GRHL3: variants seen among roughly 807,000 people sequenced by gnomAD.
The protein encoded by GRHL3 is grainyhead-like protein 3 homolog.
In GRHL3, 20 loss-of-function variants were observed where a neutral mutation model predicts 70.3. The ratio of observed to expected loss-of-function variants is 0.28; its 90% CI spans 0.20 to 0.41. The LOEUF (loss-of-function observed/expected upper bound fraction) is 0.41. GRHL3 is among the 10% of genes least tolerant of loss of function. GRHL3 has a pLI of 1.00. For synonymous variants in GRHL3, 299 were observed against 299.9 expected (o/e 1.00, Z 0.03); for missense variants, 637 against 762.3 (o/e 0.84, Z 1.94).
chr1:24,358,532 G>T (rs371334407), downstream of GRHL3: 3 of 1,609,932 alleles, frequency 1.9e-6, no homozygotes, highest in African/African-American at 4.0e-5. Context: ...CCTTGACCTT[G>T]TGTGACATCC....
downstream of GRHL3, chr1:24,358,059 G>A: frequency 2.7e-6 from 1 of 373,992 alleles, no homozygotes; most frequent in Non-Finnish European, 5.4e-6. Flanking sequence ...TACCGTAAGT[G>A]AGTGAGGTCA....
chr1:24,347,580 C>T (rs754318016), intron 14 of GRHL3, 27 bp downstream of exon 14: 7 of 1,530,460 alleles, frequency 4.6e-6, no homozygotes, highest in Admixed American at 1.7e-5. Context: ...CCCCGCCCCC[C>T]ATGGCAGACC....
rs1032620758 is a variant in GRHL3 at position 24,321,075 on chromosome 1, C to T, written c.17+1507C>T. Among the ~76,000 whole-genome samples the T allele has an allele frequency of 2.6e-5, 4 of 152,134 alleles. No homozygotes were observed. Among genetic ancestry groups the T allele is most frequent in the African/African-American group, 4.8e-5 (2 of 41,418 alleles). ...TTGCTATTTTTCCATACTTTGAACGCGCAAAAAAATCTTGACATGTGTCTC... is the reference window on the plus strand; with the variant it reads ...TTGCTATTTTTCCATACTTTGAACGTGCAAAAAAATCTTGACATGTGTCTC... On this transcript the variant is annotated intron_variant, in intron 1 of 15. Transcript: ENST00000361548. The surrounding 1 kb of genome is among the most constrained non-coding windows in gnomAD (Gnocchi z 4.0).
intron 8 of GRHL3, among the ~76,000 whole-genome samples, chr1:24,340,520 G>C (rs1285729314): frequency 2.0e-5 from 3 of 152,226 alleles, no homozygotes; most frequent in Non-Finnish European, 4.4e-5. Context: ...CTGTGTCTTG[G>C]TTTGCTGTTT....
At chr1:24,328,271 G>A (rs1028834698) in intron 1 of GRHL3, among the ~76,000 whole-genome samples, 3 of 152,256 alleles carry the variant, frequency 2.0e-5, no homozygotes, top group Non-Finnish European at 2.9e-5. Context: ...CCTTGAGCAG[G>A]TGATGTCACC....
intron 15 of GRHL3, among the ~76,000 whole-genome samples, chr1:24,354,053 T>A (rs1261415405): frequency 6.6e-6 from 1 of 150,970 alleles, no homozygotes; most frequent in Non-Finnish European, 1.5e-5. Context: ...GCACTGCGTC[T>A]CCCCCAGATC....
intron 1 of GRHL3, among the ~76,000 whole-genome samples, chr1:24,326,162 T>C (rs1639379878): frequency 1.3e-5 from 2 of 152,214 alleles, no homozygotes; most frequent in South Asian, 4.1e-4. Context: ...TTGGATTTCC[T>C]CCTTAGTGGG....
intron 7 of GRHL3, 105 bp from the exon 8 acceptor site, chr1:24,339,563 G>A (rs113048728): frequency 1.4e-6 from 1 of 715,744 alleles, no homozygotes; most frequent in Non-Finnish European, 2.4e-6. Flanking sequence ...ACAGGCGTGA[G>A]AAACCACGCC....
At chr1:24,362,741 C>T (rs1357801360) in intron 15 of GRHL3, among the ~76,000 whole-genome samples, 1 of 152,144 alleles carries the variant, frequency 6.6e-6, no homozygotes, top group African/African-American at 2.4e-5. Context: ...GGGACACCCC[C>T]CTGGTCAGAG....
At position 24,336,529 on chromosome 1, in the gene GRHL3, G is replaced by A. The variant is rs756505220; in HGVS notation, c.314G>A (p.Ser105Asn). 1.9e-6 allele frequency: 3 copies of A among 1,609,844 alleles called. No individual in the cohort carries two copies. The highest frequency in any genetic ancestry group is 2.2e-5 in the East Asian group (1 of 44,762). ...GAGACGGACCTCACTCCCCTTGAAA[G>A]CCCCACACACCTCATGAAATTCCTG... ...EYETDLTPLE[S>N]PTHLMKFLTE... Residue 105 changes from serine to asparagine, a missense_variant, in exon 4 of 16, where the codon AGC (serine) becomes AAC (asparagine). Physicochemically the swap from Ser to Asn is conservative, Grantham distance 46. This residue lies in a region of GRHL3 where 250 missense variants were observed against 248.6 expected (regional missense o/e 1.01). Coordinates refer to ENST00000361548, the MANE Select transcript of GRHL3 (RefSeq NM_198173.3).
chr1:24,331,277 C>A, intron 1 of GRHL3, 149 bp from the exon 2 acceptor site: 1 of 644,598 alleles, frequency 1.6e-6, no homozygotes, highest in Non-Finnish European at 2.6e-6. Context: ...GTCCATTCTG[C>A]TGCCCCACAC....
intron 1 of GRHL3, among the ~76,000 whole-genome samples, chr1:24,323,475 G>T (rs938873875): frequency 3.3e-5 from 5 of 152,208 alleles, no homozygotes; most frequent in Non-Finnish European, 5.9e-5. Flanking sequence ...CTGACCTGCA[G>T]TGTAGTTGCT....
chr1:24,324,149 T>G lies in GRHL3; in HGVS notation c.17+4581T>G, dbSNP rs1569852805. On this transcript the variant is annotated intron_variant, in intron 1 of 15. Coordinates refer to ENST00000361548, the MANE Select transcript of GRHL3 (RefSeq NM_198173.3). ...AATAGATGGGGGGAGAAAAGGAAAA[T>G]TAGACAAGACACCAAGAGGAGAATA... Among the ~76,000 whole-genome samples, 3 of 152,072 alleles carry G rather than the reference T, an allele frequency of 2.0e-5. No individual in the cohort carries two copies. The East Asian group carries it at 5.8e-4, about 29-fold the overall frequency.
At position 24,342,725 on chromosome 1, in the gene GRHL3, G is replaced by T. The variant is rs1342584115; in HGVS notation, c.1238G>T (p.Arg413Leu). The change falls in exon 10 of 16, where the codon CGG becomes CTG. Residue 413 changes from arginine (R) to leucine (L), a missense_variant. By Grantham distance (102) the Arg-to-Leu change is moderately radical (BLOSUM62 -2). Transcript: ENST00000361548. The surrounding 1 kb of genome is among the most constrained non-coding windows in gnomAD (Gnocchi z 4.8). Reference sequence around the variant, plus strand: ...GAGAGGAAGATGCGCGATGACGAGCGGAAGCAGTTCCGGAGGAAGGTCAAG... The same window carrying T: ...GAGAGGAAGATGCGCGATGACGAGCTGAAGCAGTTCCGGAGGAAGGTCAAG... ...GAERKMRDDE[R>L]KQFRRKVKCP... The T allele has an allele frequency of 1.2e-6, 2 of 1,614,100 alleles. No homozygotes were observed. The highest frequency in any genetic ancestry group is 2.7e-5 in the African/African-American group (2 of 74,930).
chr1:24,358,890 G>A (rs1291404728), downstream of GRHL3, among the ~76,000 whole-genome samples: 2 of 152,140 alleles, frequency 1.3e-5, no homozygotes, highest in Non-Finnish European at 2.9e-5. Flanking sequence ...TATGAAATTC[G>A]AAAAGAAATT....
chr1:24,342,331 T>C lies in GRHL3; in HGVS notation c.1206+58T>C. 2 of 1,441,792 alleles carry C rather than the reference T, an allele frequency of 1.4e-6. No individual in the cohort carries two copies. Among genetic ancestry groups the C allele is most frequent in the Non-Finnish European group, 1.9e-6 (2 of 1,057,350 alleles). The allele number at this position is 1,441,792 out of a possible 1,614,324, so 89.3% of individuals were successfully genotyped here. On this transcript the variant is annotated intron_variant, in intron 9 of 15. Transcript: ENST00000361548. The surrounding 1 kb of genome is among the most constrained non-coding windows in gnomAD (Gnocchi z 4.8). ...CCGGGGAGGTAGAAGGGCCAAACCC[T>C]GACCCGTGCGTCCTCCTAGCTTCTC...
At position 24,321,460 on chromosome 1, in the gene GRHL3, T is replaced by C. The variant is rs895008601; in HGVS notation, c.17+1892T>C. Reference sequence around the variant, plus strand: ...TGTTGCTTCTGCGGCCTCGACATTCTCCTAAAAAGTGCCAAGTTAAGAGGA... The same window carrying C: ...TGTTGCTTCTGCGGCCTCGACATTCCCCTAAAAAGTGCCAAGTTAAGAGGA... On this transcript the variant is annotated intron_variant, in intron 1 of 15. Coordinates refer to ENST00000361548, the MANE Select transcript of GRHL3 (RefSeq NM_198173.3). The surrounding 1 kb of genome is among the most constrained non-coding windows in gnomAD (Gnocchi z 4.0). Among the ~76,000 whole-genome samples, 2 of 152,182 alleles carry C rather than the reference T, an allele frequency of 1.3e-5. No individual in the cohort carries two copies. Among genetic ancestry groups the C allele is most frequent in the Admixed American group, 1.3e-4 (2 of 15,286 alleles).
intron 15 of GRHL3, among the ~76,000 whole-genome samples, chr1:24,361,265 T>C (rs1641098412): frequency 1.3e-5 from 2 of 152,054 alleles, no homozygotes; most frequent in Admixed American, 6.5e-5. Flanking sequence ...GAGGTCAGGG[T>C]TGTCAGGATA....
At chr1:24,335,315 T>C (rs1639756748) in intron 3 of GRHL3, among the ~76,000 whole-genome samples, 1 of 152,230 alleles carries the variant, frequency 6.6e-6, no homozygotes, top group African/African-American at 2.4e-5. Flanking sequence ...GATGTTCCTT[T>C]CCTTTAGAAA....
Sources: allele counts gnomAD v4.1 joint callset (sites outside exome capture counted in the v4.1 genomes callset), GRCh38; gene constraint gnomAD v4.1.1; regional missense constraint gnomAD v4.1.1; non-coding constraint Gnocchi (gnomAD v3.1); transcripts MANE v1.5; gene names NCBI Gene and HGNC (gene_info 2026-07-23, HGNC 2026-07-21).